TRHDE: variants seen among roughly 807,000 people sequenced by gnomAD.
TRHDE encodes the protein thyrotropin-releasing hormone-degrading ectoenzyme.
A neutral mutation model predicts 125.7 loss-of-function variants in TRHDE; 72 were observed. The ratio of observed to expected loss-of-function variants is 0.57; its 90% confidence interval spans 0.47 to 0.70. The LOEUF (loss-of-function observed/expected upper bound fraction) is 0.70, where lower values mean the gene tolerates loss of function less well. Ranked by LOEUF, TRHDE falls within the 30% of genes least tolerant of loss-of-function variation. The pLI is 0.00. For missense variants in TRHDE, 1,110 were observed against 1,327.1 expected (o/e 0.84, Z 2.54); for synonymous variants, 509 against 509.1 (o/e 1.00, Z 0.00).
intron 2 of TRHDE, among the ~76,000 whole-genome samples, chr12:72,128,117 A>G (rs1875767740): frequency 6.6e-6 from 1 of 152,162 alleles, no homozygotes; most frequent in African/African-American, 2.4e-5. Context: ...CCAGAGAAAG[A>G]ATGTTCTTAC....
chr12:72,404,097 TC>T (rs1227991878), intron 3 of TRHDE, among the ~76,000 whole-genome samples: 1 of 152,072 alleles, frequency 6.6e-6, no homozygotes, highest in Non-Finnish European at 1.5e-5. Flanking sequence ...GATGTATTAG[TC>T]CGTTTTCAAG....
At chr12:72,548,077 C>T (rs1012092875) in intron 7 of TRHDE, among the ~76,000 whole-genome samples, 2 of 151,696 alleles carry the variant, frequency 1.3e-5, no homozygotes, top group African/African-American at 4.8e-5. Context: ...TAAGTAGAGT[C>T]CTTACTAGTG....
chr12:72,376,808 T>G (rs1237688728), intron 2 of TRHDE, among the ~76,000 whole-genome samples: 1 of 152,138 alleles, frequency 6.6e-6, no homozygotes, highest in African/African-American at 2.4e-5. Context: ...AATGTAAATA[T>G]TCAATGAGTA....
intron 1 of TRHDE, among the ~76,000 whole-genome samples, chr12:72,094,097 C>A (rs981083204): frequency 6.6e-6 from 1 of 152,278 alleles, no homozygotes; most frequent in Middle Eastern, 3.4e-3. Flanking sequence ...GGTTGGTGAG[C>A]CTCTTATCAG....
At chr12:72,639,860 T>G (rs1056038712) in intron 15 of TRHDE, among the ~76,000 whole-genome samples, 1 of 152,150 alleles carries the variant, frequency 6.6e-6, no homozygotes, top group African/African-American at 2.4e-5. Flanking sequence ...GTCTGCCCGT[T>G]CTCAGATCTC....
rs745307313 is a variant in TRHDE at position 72,618,980 on chromosome 12, G to A, written c.2411G>A (p.Arg804Gln). 6.1e-5 allele frequency: 97 copies of A among 1,602,506 alleles called. No individual in the cohort carries two copies. Among genetic ancestry groups the A allele is most frequent in the Non-Finnish European group, 7.5e-5 (88 of 1,174,126 alleles). ...KDFLPWHAASRALYPLDKLLD... is the reference protein window; with the variant it reads ...KDFLPWHAASQALYPLDKLLD... ...TTTCTTCCTTGGCATGCTGCCAGCCGAGCTCTTTATCCTCTAGATAAATTA... is the reference window on the plus strand; with the variant it reads ...TTTCTTCCTTGGCATGCTGCCAGCCAAGCTCTTTATCCTCTAGATAAATTA... Residue 804 changes from arginine to glutamine, a missense_variant, in exon 13 of 19, where the codon CGA becomes CAA. Physicochemically the swap from Arg to Gln is conservative, Grantham distance 43. Transcript: ENST00000261180.
chr12:72,630,470 C>T (rs563484563), intron 15 of TRHDE, among the ~76,000 whole-genome samples: 5 of 151,864 alleles, frequency 3.3e-5, no homozygotes, highest in African/African-American at 1.2e-4. Context: ...CTTCTGCTCT[C>T]AGACCAGCGA....
intron 5 of TRHDE, among the ~76,000 whole-genome samples, chr12:72,495,895 A>T (rs1000709211): frequency 1.3e-5 from 2 of 152,184 alleles, no homozygotes; most frequent in Non-Finnish European, 2.9e-5. Context: ...TTTTGAAAAT[A>T]GTTGAATACA....
intron 2 of TRHDE, among the ~76,000 whole-genome samples, chr12:72,163,771 G>C (rs1038707496): frequency 1.3e-5 from 2 of 152,184 alleles, no homozygotes; most frequent in Non-Finnish European, 2.9e-5. Flanking sequence ...CTTAGAATGG[G>C]TTTAACATGT....
At chr12:72,514,964 A>G (rs1301255460) in intron 6 of TRHDE, among the ~76,000 whole-genome samples, 13 of 149,972 alleles carry the variant, frequency 8.7e-5, no homozygotes, top group Admixed American at 8.0e-4. Context: ...AAAGGACATG[A>G]ACTCATCATT....
intron 15 of TRHDE, among the ~76,000 whole-genome samples, chr12:72,649,540 A>G (rs111779781): frequency 1.4e-4 from 21 of 152,224 alleles, no homozygotes; most frequent in African/African-American, 4.8e-4. Context: ...AAATTGTGGG[A>G]CTGCATCAAA....
Position 72,667,679 on chromosome 12 carries a change from T to C in TRHDE, c.*4484T>C, listed in dbSNP as rs1459909226. The C allele has an allele frequency of 6.6e-6, 1 of 151,806 alleles. No individual in the cohort carries two copies. Among genetic ancestry groups the C allele is most frequent in the African/African-American group, 2.4e-5 (1 of 41,424 alleles). The allele number at this position is 151,806 out of a possible 1,614,324, so 9.4% of individuals were successfully genotyped here. A position where few individuals can be genotyped will look rare whatever the true frequency, so the allele number is the denominator to read the frequency against. On this transcript the variant is annotated 3_prime_UTR_variant, in exon 19 of 19. Transcript: ENST00000261180. The stretch of plus-strand genomic sequence containing the variant: ...TTATACAACTATTTTTGTACACTAG[T>C]TCTCAAAACATTTATGATACCTAGT...
At chr12:72,350,244 G>A (rs988644070) in intron 2 of TRHDE, among the ~76,000 whole-genome samples, 2 of 151,918 alleles carry the variant, frequency 1.3e-5, no homozygotes, top group Non-Finnish European at 2.9e-5. Context: ...AGGAGACAGA[G>A]ACGATTGGCA....
chr12:72,382,451 A>G (rs781121758), intron 3 of TRHDE, among the ~76,000 whole-genome samples: 2 of 152,112 alleles, frequency 1.3e-5, no homozygotes, highest in Non-Finnish European at 2.9e-5. Context: ...CCTGTAGTAT[A>G]ACAATACTAA....
intron 15 of TRHDE, among the ~76,000 whole-genome samples, chr12:72,634,359 T>A (rs945342676): frequency 1.3e-5 from 2 of 151,976 alleles, no homozygotes; most frequent in Non-Finnish European, 2.9e-5. Context: ...AGTCATGAAT[T>A]TCCTATCCCC....
At chr12:72,101,768 T>C in intron 1 of TRHDE, among the ~76,000 whole-genome samples, 1 of 152,220 alleles carries the variant, frequency 6.6e-6, no homozygotes, top group Non-Finnish European at 1.5e-5. Flanking sequence ...TGCTATTATC[T>C]TTATGTTTAT....
intron 2 of TRHDE, among the ~76,000 whole-genome samples, chr12:72,240,227 T>A (rs1057503788): frequency 2.0e-5 from 3 of 151,180 alleles, no homozygotes; most frequent in Non-Finnish European, 4.4e-5. Context: ...ATTTGGGAAA[T>A]ACATATGCAC....
intron 2 of TRHDE, among the ~76,000 whole-genome samples, chr12:72,247,811 G>T (rs1161578415): frequency 1.3e-5 from 2 of 152,066 alleles, no homozygotes; most frequent in Non-Finnish European, 2.9e-5. Context: ...ACATCAGAAT[G>T]GTATTCTGGA....
intron 12 of TRHDE, among the ~76,000 whole-genome samples, chr12:72,579,839 G>T (rs561126176): frequency 9.0e-4 from 137 of 152,040 alleles, no homozygotes; most frequent in Non-Finnish European, 1.7e-3. Context: ...TTATTTAAAG[G>T]TTTTAATTTT....
Sources: allele counts gnomAD v4.1 joint callset (sites outside exome capture counted in the v4.1 genomes callset), GRCh38; gene constraint gnomAD v4.1.1; transcripts MANE v1.5; gene names NCBI Gene and HGNC (gene_info 2026-07-23, HGNC 2026-07-21).